Variants in ZNF827 observed in about 807,000 individuals in gnomAD.
The protein encoded by ZNF827 is zinc finger protein 827.
In ZNF827, 13 loss-of-function variants were observed where a neutral mutation model predicts 102.4. The observed-to-expected ratio is 0.13, with a 90% CI of 0.08 to 0.20. The LOEUF is 0.20. Ranked by LOEUF, ZNF827 falls within the 10% of genes least tolerant of loss-of-function variation. ZNF827 has a pLI of 1.00. For missense variants in ZNF827, 1,103 were observed against 1,344.4 expected (o/e 0.82, Z 2.81); for synonymous variants, 523 against 536.2 (o/e 0.98, Z 0.34).
At chr4:145,811,032 C>T (rs1256547773) in intron 8 of ZNF827, among the ~76,000 whole-genome samples, 1 of 150,436 alleles carries the variant, frequency 6.6e-6, no homozygotes, top group Non-Finnish European at 1.5e-5. Context: ...CACTCTGTTG[C>T]CCAGGCTGGA....
chr4:145,858,569 G>A (rs1747395650), intron 5 of ZNF827, among the ~76,000 whole-genome samples: 1 of 151,366 alleles, frequency 6.6e-6, no homozygotes, highest in South Asian at 2.1e-4. Context: ...TTGAGGCCAG[G>A]AGTTTGTGGC....
intron 1 of ZNF827, among the ~76,000 whole-genome samples, chr4:145,909,964 C>G (rs1326495277): frequency 1.3e-5 from 2 of 152,102 alleles, no homozygotes; most frequent in Non-Finnish European, 2.9e-5. Context: ...ACACGGATGT[C>G]CAGGACACCC....
At chr4:145,791,780 T>G (rs895480026) in intron 8 of ZNF827, among the ~76,000 whole-genome samples, 1 of 152,240 alleles carries the variant, frequency 6.6e-6, no homozygotes, top group African/African-American at 2.4e-5. Context: ...TAATTTCATT[T>G]AACTCTCTTA....
chr4:145,816,644 T>C (rs969777984), intron 8 of ZNF827, among the ~76,000 whole-genome samples: 1 of 152,188 alleles, frequency 6.6e-6, no homozygotes, highest in East Asian at 1.9e-4. Context: ...GGGGGACAGA[T>C]GGGGCTAACA....
chr4:145,923,781 T>C (rs539356418), intron 1 of ZNF827, among the ~76,000 whole-genome samples: 351 of 152,364 alleles, frequency 2.3e-3, no homozygotes, highest in African/African-American at 7.6e-3. Context: ...TTAGAATCAG[T>C]ATTTTTAATA....
rs944937482 is a variant in ZNF827, at chr4:145,820,171, T to C, written c.2383+3251A>G. 2.0e-5 allele frequency: 3 copies of C among 152,814 alleles called. No homozygotes were observed. The East Asian group carries it at 5.8e-4, about 29-fold the overall frequency. 9.5% of individuals were successfully genotyped at this position (152,814 alleles called of 1,614,324 possible). A position where few individuals can be genotyped will look rare whatever the true frequency, so the allele number is the denominator to read the frequency against. ...AGCAGCTGTTACACCCTAAATGATA[T>C]TCTCTTCTAGCACTTCCTTACCCTG... On this transcript the variant is annotated intron_variant, in intron 8 of 14. Transcript: ENST00000508784.
intron 7 of ZNF827, among the ~76,000 whole-genome samples, chr4:145,826,371 A>G (rs1160841318): frequency 1.3e-5 from 2 of 152,226 alleles, no homozygotes; most frequent in African/African-American, 4.8e-5. Flanking sequence ...AACAAACGCT[A>G]AGTATCTGGC....
chr4:145,877,929 G>A (rs907150735), intron 4 of ZNF827, among the ~76,000 whole-genome samples: 3 of 152,196 alleles, frequency 2.0e-5, no homozygotes, highest in African/African-American at 7.2e-5. Context: ...CACGGCCAAA[G>A]AATGAAATGT....
chr4:145,834,527 G>C (rs1401079748), intron 7 of ZNF827, among the ~76,000 whole-genome samples: 1 of 152,082 alleles, frequency 6.6e-6, no homozygotes, highest in African/African-American at 2.4e-5. Context: ...CCGGCTTACA[G>C]TTTCGTTCCG....
intron 2 of ZNF827, among the ~76,000 whole-genome samples, chr4:145,898,445 C>A (rs1004100860): frequency 2.0e-5 from 3 of 152,172 alleles, no homozygotes; most frequent in Admixed American, 2.0e-4. Flanking sequence ...AAACAGGAGT[C>A]TGGCATCCTG....
chr4:145,886,211 C>T (rs755690171), intron 3 of ZNF827, 53 bp from the exon 4 acceptor site: 1 of 1,532,446 alleles, frequency 6.5e-7, no homozygotes, highest in Non-Finnish European at 8.8e-7. Context: ...ATGGAAAATG[C>T]CTTGCTGTAG....
Position 145,938,556 on chromosome 4 carries a change from A to G in ZNF827, c.-149T>C, listed in dbSNP as rs936971594. 4.8e-6 allele frequency: 3 copies of G among 619,186 alleles called. No homozygotes were observed. The highest frequency in any genetic ancestry group is 5.7e-6 in the Non-Finnish European group (2 of 350,682). The allele number at this position is 619,186 out of a possible 1,614,324, so 38.4% of individuals were successfully genotyped here. On this transcript the variant is annotated 5_prime_UTR_variant, in exon 1 of 15. Coordinates refer to ENST00000508784, the MANE Select transcript of ZNF827 (RefSeq NM_001306215.2). The stretch of plus-strand genomic sequence containing the variant: ...GGAAACCCCTTCTCCGGTGTGTGCA[A>G]TGGGTTGAAGCTTGTTTCCTGGAGC...
At chr4:145,819,103 G>C (rs964760146) in intron 8 of ZNF827, among the ~76,000 whole-genome samples, 2 of 150,508 alleles carry the variant, frequency 1.3e-5, no homozygotes, top group African/African-American at 2.5e-5. Flanking sequence ...CCAACAACGT[G>C]AGTTTTTTTT....
At chr4:145,932,164 C>T (rs1012321979) in intron 1 of ZNF827, among the ~76,000 whole-genome samples, 9 of 152,198 alleles carry the variant, frequency 5.9e-5, no homozygotes, top group African/African-American at 2.2e-4. Context: ...TTCCCAACTT[C>T]CAGAACTGTA....
chr4:145,784,774 T>C (rs955725070), intron 8 of ZNF827, among the ~76,000 whole-genome samples: 1 of 152,210 alleles, frequency 6.6e-6, no homozygotes, highest in Non-Finnish European at 1.5e-5. Flanking sequence ...TTAGCATTTG[T>C]TTCATTATTT....
At chr4:145,906,223 C>T (rs753127002) in intron 1 of ZNF827, among the ~76,000 whole-genome samples, 2 of 152,234 alleles carry the variant, frequency 1.3e-5, no homozygotes, top group Non-Finnish European at 2.9e-5. Flanking sequence ...AACCGCTGAA[C>T]GACGACTTCT....
In ZNF827 at chr4:145,920,016, G is replaced by C. The variant is rs778643666; in HGVS notation, c.44-16801C>G. Among the ~76,000 whole-genome samples the C allele has an allele frequency of 2.0e-5, 3 of 152,186 alleles. No individual in the cohort carries two copies. The East Asian group carries it at 5.8e-4, about 29-fold the overall frequency. On this transcript the variant is annotated intron_variant, in intron 1 of 14. Transcript: ENST00000508784. ...GTCTACAAGCACCTTCTCCTGTTTA[G>C]AGTATAAGATACTAATATCTGCAAT...
At chr4:145,858,486 C>A (rs1406848441) in intron 5 of ZNF827, among the ~76,000 whole-genome samples, 2 of 151,072 alleles carry the variant, frequency 1.3e-5, no homozygotes, top group South Asian at 2.1e-4. Flanking sequence ...AGATAAAAAT[C>A]AAAAAATTAG....
intron 8 of ZNF827, among the ~76,000 whole-genome samples, chr4:145,822,337 C>T (rs146810908): frequency 5.1e-4 from 78 of 151,880 alleles, no homozygotes; most frequent in African/African-American, 1.8e-3. Context: ...CCTTCCCCAC[C>T]CCCACCCTCC....
Sources: allele counts gnomAD v4.1 joint callset (sites outside exome capture counted in the v4.1 genomes callset), GRCh38; gene constraint gnomAD v4.1.1; transcripts MANE v1.5; gene names NCBI Gene and HGNC (gene_info 2026-07-23, HGNC 2026-07-21).